The following PKHD1 variants were observed in gnomAD, a reference collection of about 807,000 sequenced individuals.
PKHD1 encodes the protein fibrocystin.
In PKHD1, 291 loss-of-function variants were observed where a neutral mutation model predicts 412.0. The ratio of observed to expected loss-of-function variants is 0.71; its 90% CI spans 0.64 to 0.78. PKHD1 has a LOEUF of 0.78. Among genes scored for constraint, PKHD1 ranks in the 30% least tolerant of loss-of-function variants. PKHD1 has a pLI of 0.00. For missense variants in PKHD1, 4,825 were observed against 4,950.7 expected (o/e 0.97, Z 0.76); for synonymous variants, 1,777 against 1,821.5 (o/e 0.98, Z 0.62).
At chr6:51,970,759 T>A (rs1181909052) in intron 35 of PKHD1, among the ~76,000 whole-genome samples, 1 of 152,356 alleles carries the variant, frequency 6.6e-6, no homozygotes, top group African/African-American at 2.4e-5. Context: ...TAGTTGGTTG[T>A]AGACATGTGA....
chr6:51,729,086 C>G (rs1416563477), intron 60 of PKHD1, among the ~76,000 whole-genome samples: 1 of 152,234 alleles, frequency 6.6e-6, no homozygotes, highest in Non-Finnish European at 1.5e-5. Flanking sequence ...AGGTTGCATC[C>G]TACCAATATC....
intron 37 of PKHD1, among the ~76,000 whole-genome samples, chr6:51,915,746 C>A (rs1783687332): frequency 6.6e-6 from 1 of 151,940 alleles, no homozygotes; most frequent in African/African-American, 2.4e-5. Context: ...GATGAGGCAG[C>A]CCCTACTACC....
chr6:51,891,493 G>A (rs541256504), intron 43 of PKHD1, among the ~76,000 whole-genome samples: 13 of 152,110 alleles, frequency 8.5e-5, no homozygotes, highest in African/African-American at 2.7e-4. Flanking sequence ...TGGTCAAGCT[G>A]GTCTCAAACT....
At chr6:51,796,036 G>A (rs9463718) in intron 52 of PKHD1, among the ~76,000 whole-genome samples, 89,840 of 152,020 alleles carry the variant, frequency 0.59, 27,210 homozygotes, top group East Asian at 0.83. Flanking sequence ...ATGAGATAGG[G>A]AGGAGTCCTT....
At chr6:52,013,698 G>C (rs924027310) in intron 34 of PKHD1, among the ~76,000 whole-genome samples, 1 of 152,088 alleles carries the variant, frequency 6.6e-6, no homozygotes, top group Non-Finnish European at 1.5e-5. Flanking sequence ...TACTTTGGGG[G>C]ATATGGTTTA....
chr6:51,616,235 A>G lies in PKHD1; in HGVS notation c.*2846T>C. On this transcript the variant is annotated 3_prime_UTR_variant, in exon 67 of 67. Coordinates refer to ENST00000371117, the MANE Select transcript of PKHD1 (RefSeq NM_138694.4). ...ACTTTCAAACACTTTTGAACTCTCT[A>G]GAATTTTAGCTTGTCCAATCTCTTG... 1 of 155,354 alleles carries G rather than the reference A, an allele frequency of 6.4e-6. No homozygotes were observed. The highest frequency in any genetic ancestry group is 1.9e-4 in the East Asian group (1 of 5,382). 9.6% of individuals were successfully genotyped at this position (155,354 alleles called of 1,614,324 possible). A position where few individuals can be genotyped will look rare whatever the true frequency, so the allele number is the denominator to read the frequency against.
At chr6:51,950,620 A>G (rs1285675409) in intron 36 of PKHD1, among the ~76,000 whole-genome samples, 1 of 152,160 alleles carries the variant, frequency 6.6e-6, no homozygotes, top group Non-Finnish European at 1.5e-5. Flanking sequence ...CAGTTTGTAT[A>G]AGTTACCAGG....
intron 64 of PKHD1, among the ~76,000 whole-genome samples, chr6:51,636,621 A>C (rs367819886): frequency 6.6e-6 from 1 of 152,118 alleles, no homozygotes; most frequent in Admixed American, 6.6e-5. Context: ...CAATAACATA[A>C]AACAATGCTT....
chr6:51,680,913 A>C (rs2150563289), intron 60 of PKHD1, among the ~76,000 whole-genome samples: 1 of 152,186 alleles, frequency 6.6e-6, no homozygotes, highest in Middle Eastern at 3.4e-3. Context: ...TGCCTTTATA[A>C]GACAATGAAG....
At chr6:52,074,844 A>G (rs1045906071) in intron 6 of PKHD1, among the ~76,000 whole-genome samples, 5 of 152,198 alleles carry the variant, frequency 3.3e-5, no homozygotes, top group African/African-American at 1.2e-4. Context: ...ATGCAGTCGT[A>G]TGGATCCTGC....
At chr6:51,916,490 T>C (rs1583351193) in intron 37 of PKHD1, among the ~76,000 whole-genome samples, 1 of 152,304 alleles carries the variant, frequency 6.6e-6, no homozygotes, top group African/African-American at 2.4e-5. Flanking sequence ...GTTCTGAAAC[T>C]AGTTCTTCTG....
chr6:51,822,986 T>C (rs530019811), intron 52 of PKHD1, among the ~76,000 whole-genome samples: 1 of 152,260 alleles, frequency 6.6e-6, no homozygotes, highest in African/African-American at 2.4e-5. Context: ...GGTCAAAGTA[T>C]ACTTGAAATC....
chr6:51,709,650 A>G (rs1445244041), intron 60 of PKHD1, among the ~76,000 whole-genome samples: 1 of 152,202 alleles, frequency 6.6e-6, no homozygotes, highest in African/African-American at 2.4e-5. Flanking sequence ...TGTTTATGGA[A>G]TATTATGATT....
At chr6:51,779,894 CT>C (rs1190320005) in intron 53 of PKHD1, among the ~76,000 whole-genome samples, 1 of 151,994 alleles carries the variant, frequency 6.6e-6, no homozygotes, top group African/African-American at 2.4e-5. Flanking sequence ...AATGCGCATT[CT>C]TTTAAACCTT....
chr6:51,730,500 A>G (rs939468450), intron 60 of PKHD1, among the ~76,000 whole-genome samples: 1 of 152,230 alleles, frequency 6.6e-6, no homozygotes, highest in Admixed American at 6.5e-5. Flanking sequence ...TATAAACTAA[A>G]TTGTCAAATG....
At chr6:51,925,223 C>G (rs1785338726) in intron 37 of PKHD1, among the ~76,000 whole-genome samples, 1 of 152,194 alleles carries the variant, frequency 6.6e-6, no homozygotes, top group Admixed American at 6.5e-5. Context: ...ATGGAAACTA[C>G]AGAAAGTTTG....
intron 28 of PKHD1, among the ~76,000 whole-genome samples, chr6:52,034,930 G>T (rs542861900): frequency 2.0e-5 from 3 of 152,180 alleles, no homozygotes; most frequent in East Asian, 3.9e-4. Flanking sequence ...TGGGGTCATG[G>T]GTGTGCTAGG....
intron 52 of PKHD1, among the ~76,000 whole-genome samples, chr6:51,825,499 A>C (rs1281325066): frequency 3.3e-5 from 5 of 152,092 alleles, no homozygotes; most frequent in Admixed American, 6.6e-5. Context: ...GAGGCCTCTT[A>C]GTTGATTATC....
intron 32 of PKHD1, among the ~76,000 whole-genome samples, chr6:52,024,190 A>C (rs1294237595): frequency 6.6e-6 from 1 of 152,238 alleles, no homozygotes; most frequent in Non-Finnish European, 1.5e-5. Flanking sequence ...AAATTTAATC[A>C]TACTTAATAA....
Sources: allele counts gnomAD v4.1 joint callset (sites outside exome capture counted in the v4.1 genomes callset), GRCh38; gene constraint gnomAD v4.1.1; transcripts MANE v1.5; gene names NCBI Gene and HGNC (gene_info 2026-07-23, HGNC 2026-07-21).